The following PLPPR5 variants were observed in gnomAD, a reference collection of about 807,000 sequenced individuals.
The protein encoded by PLPPR5 is phospholipid phosphatase related 5, also known as phospholipid phosphatase-related protein type 5.
Under a neutral mutation model 33.9 loss-of-function variants are expected in PLPPR5, and 16 were observed. The ratio of observed to expected loss-of-function variants is 0.47; its 90% CI spans 0.32 to 0.72. The LOEUF is 0.72. Among genes scored for constraint, PLPPR5 ranks in the 30% least tolerant of loss-of-function variants. PLPPR5 has a pLI of 0.03. For missense variants in PLPPR5, 301 were observed against 406.7 expected, an observed-to-expected ratio of 0.74 and a Z score of 2.23; for synonymous variants, 163 against 150.3, an observed-to-expected ratio of 1.08 and a Z score of -0.62.
At chr1:98,996,162 A>G (rs1358751399) in intron 1 of PLPPR5, among the ~76,000 whole-genome samples, 1 of 152,054 alleles carries the variant, frequency 6.6e-6, no homozygotes, top group Non-Finnish European at 1.5e-5. Flanking sequence ...ATATTCCAGG[A>G]AGTTGTTTTT....
At chr1:98,940,056 C>A (rs979042571) in intron 3 of PLPPR5, among the ~76,000 whole-genome samples, 10 of 151,740 alleles carry the variant, frequency 6.6e-5, no homozygotes, top group African/African-American at 2.4e-4. Context: ...CAAATGTAGT[C>A]TAATATGGAC....
At chr1:98,909,101 G>A (rs912737476) in intron 5 of PLPPR5, among the ~76,000 whole-genome samples, 3 of 151,844 alleles carry the variant, frequency 2.0e-5, no homozygotes, top group Non-Finnish European at 4.4e-5. Context: ...AGGAAGGAAG[G>A]GAAGGAGGGA....
chr1:98,964,996 A>G (rs1180516253), intron 1 of PLPPR5, among the ~76,000 whole-genome samples: 1 of 115,932 alleles, frequency 8.6e-6, no homozygotes, highest in African/African-American at 3.3e-5. Flanking sequence ...TTTTTTTGGT[A>G]GAGATGGGAT....
rs956358058 is a variant in PLPPR5 at position 98,940,721 on chromosome 1, A to G, written c.621+12349T>C. Among the ~76,000 whole-genome samples, 14 of 152,100 alleles carry G rather than the reference A, an allele frequency of 9.2e-5. 2 individuals are homozygous for G. In the Middle Eastern group the frequency reaches 0.02, roughly 222 times the overall value. On this transcript the variant is annotated intron_variant, in intron 3 of 5. Transcript: ENST00000263177. ...GATGATCCTGCAATAGTCAAGGCAA[A>G]CAACACAAAGAAGGTAAATTCAACC...
At chr1:98,991,455 A>C (rs72732426) in intron 1 of PLPPR5, among the ~76,000 whole-genome samples, 1 of 152,158 alleles carries the variant, frequency 6.6e-6, no homozygotes, top group Non-Finnish European at 1.5e-5. Context: ...TCCATTTGCA[A>C]GGTACACTCA....
intron 1 of PLPPR5, among the ~76,000 whole-genome samples, chr1:98,970,518 GTATA>G (rs1324148687): frequency 6.6e-6 from 1 of 151,544 alleles, no homozygotes; most frequent in Non-Finnish European, 1.5e-5. Flanking sequence ...TAATATATAT[GTATA>G]TTTATTATAT....
At chr1:98,974,591 T>C (rs1238346301) in intron 1 of PLPPR5, among the ~76,000 whole-genome samples, 1 of 152,048 alleles carries the variant, frequency 6.6e-6, no homozygotes, top group Non-Finnish European at 1.5e-5. Context: ...CACGAAGTCA[T>C]AGGTGCTTAA....
At chr1:98,965,601 A>G (rs1286607115) in intron 1 of PLPPR5, among the ~76,000 whole-genome samples, 1 of 152,198 alleles carries the variant, frequency 6.6e-6, no homozygotes, top group Non-Finnish European at 1.5e-5. Flanking sequence ...TGTGCACATC[A>G]CTTTGTTCTC....
intron 3 of PLPPR5, among the ~76,000 whole-genome samples, chr1:98,949,552 A>G (rs1021015698): frequency 3.7e-4 from 57 of 152,166 alleles, no homozygotes; most frequent in Admixed American, 2.0e-4. Flanking sequence ...CCATAAGACC[A>G]TTTCCACAGA....
chr1:98,899,289 G>C (rs910790323), intron 5 of PLPPR5, among the ~76,000 whole-genome samples: 3 of 152,166 alleles, frequency 2.0e-5, no homozygotes, highest in African/African-American at 7.2e-5. Context: ...TACAAGTCCT[G>C]GGGCCCAAGC....
At chr1:98,946,571 C>T (rs1650560496) in intron 3 of PLPPR5, among the ~76,000 whole-genome samples, 1 of 152,128 alleles carries the variant, frequency 6.6e-6, no homozygotes, top group Non-Finnish European at 1.5e-5. Flanking sequence ...GACACTTCTT[C>T]TCCCCCTGTT....
intron 1 of PLPPR5, among the ~76,000 whole-genome samples, chr1:98,994,359 T>C (rs146991122): frequency 5.0e-4 from 76 of 152,168 alleles, no homozygotes; most frequent in African/African-American, 1.8e-3. Context: ...TTTTAGATAT[T>C]TCCATGCCAT....
At chr1:98,968,103 C>G (rs969721840) in intron 1 of PLPPR5, among the ~76,000 whole-genome samples, 1 of 152,080 alleles carries the variant, frequency 6.6e-6, no homozygotes, top group African/African-American at 2.4e-5. Flanking sequence ...CTAGCAAAAA[C>G]AAATGCTGCT....
chr1:98,925,055 A>C (rs1414259692), intron 3 of PLPPR5, among the ~76,000 whole-genome samples: 1 of 152,236 alleles, frequency 6.6e-6, no homozygotes, highest in Non-Finnish European at 1.5e-5. Flanking sequence ...TCAGTACTTT[A>C]TGAACATAAG....
chr1:98,910,059 T>C (rs1414718264), intron 5 of PLPPR5, among the ~76,000 whole-genome samples: 1 of 152,252 alleles, frequency 6.6e-6, no homozygotes, highest in East Asian at 1.9e-4. Flanking sequence ...ATAATTACAC[T>C]GCAGCTTACA....
intron 1 of PLPPR5, among the ~76,000 whole-genome samples, chr1:98,999,051 C>T (rs1157802787): frequency 6.6e-6 from 1 of 152,172 alleles, no homozygotes; most frequent in Non-Finnish European, 1.5e-5. Flanking sequence ...CTGAATTCTG[C>T]TTAAGTTTTG....
At chr1:99,001,616 G>A (rs1475639886) in intron 1 of PLPPR5, among the ~76,000 whole-genome samples, 2 of 145,466 alleles carry the variant, frequency 1.4e-5, no homozygotes, top group Non-Finnish European at 3.0e-5. Flanking sequence ...TGGTAGTGAG[G>A]AGAACGACTT....
intron 1 of PLPPR5, among the ~76,000 whole-genome samples, chr1:98,987,295 T>G (rs1484064563): frequency 2.6e-5 from 4 of 151,822 alleles, no homozygotes; most frequent in Non-Finnish European, 5.9e-5. Flanking sequence ...TATGTTAAAT[T>G]ATATGGGAAG....
At chr1:98,995,562 C>A (rs1652603952) in intron 1 of PLPPR5, among the ~76,000 whole-genome samples, 1 of 152,024 alleles carries the variant, frequency 6.6e-6, no homozygotes, top group Non-Finnish European at 1.5e-5. Flanking sequence ...TCTAGTAAGG[C>A]CTGCACCCTC....
Sources: allele counts gnomAD v4.1 joint callset (sites outside exome capture counted in the v4.1 genomes callset), GRCh38; gene constraint gnomAD v4.1.1; transcripts MANE v1.5; gene names NCBI Gene and HGNC (gene_info 2026-07-23, HGNC 2026-07-21).